Variants in LRSAM1 observed in about 807,000 individuals in gnomAD.
LRSAM1 encodes E3 ubiquitin-protein ligase LRSAM1.
Under a neutral mutation model 118.1 loss-of-function variants are expected in LRSAM1, and 96 were observed. That is an observed-to-expected ratio of 0.81 (90% confidence interval 0.69 to 0.96). LRSAM1 has a LOEUF of 0.96. Ranked by LOEUF, LRSAM1 falls within the 40% of genes least tolerant of loss-of-function variation. LRSAM1 has a pLI of 0.00. For synonymous variants in LRSAM1, 322 were observed against 364.2 expected, an observed-to-expected ratio of 0.88 and a Z score of 1.32; for missense variants, 804 against 915.5, an observed-to-expected ratio of 0.88 and a Z score of 1.57.
Position 127,487,300 on chromosome 9 carries a change from G to A in LRSAM1, c.1260-376G>A, listed in dbSNP as rs192933247. ...GCTCCCTGCCCAGGGTGAGAGTGCC[G>A]GGAAGGACAGCTTTGTCATACTTCG... On this transcript the variant is annotated intron_variant, in intron 17 of 25. Coordinates refer to ENST00000300417, the MANE Select transcript of LRSAM1 (RefSeq NM_001005373.4). Among the ~76,000 whole-genome samples the A allele has an allele frequency of 4.1e-4, 63 of 152,158 alleles. 1 individual carries two copies. Among genetic ancestry groups the A allele is most frequent in the African/African-American group, 1.5e-3 (61 of 41,492 alleles).
chr9:127,489,354 T>C, intron 18 of LRSAM1, 90 bp from the exon 19 acceptor site: 1 of 1,465,648 alleles, frequency 6.8e-7, no homozygotes, highest in Non-Finnish European at 9.3e-7. Context: ...TTAAGGTGCT[T>C]TGTACACAGC....
intron 24 of LRSAM1, among the ~76,000 whole-genome samples, chr9:127,499,666 C>T (rs1010901977): frequency 6.6e-6 from 1 of 152,146 alleles, no homozygotes; most frequent in Non-Finnish European, 1.5e-5. Context: ...TGCGGTGCCT[C>T]ACGCCTGTAA....
chr9:127,502,747 C>A, intron 25 of LRSAM1, 27 bp from the exon 26 acceptor site: 1 of 1,611,428 alleles, frequency 6.2e-7, no homozygotes, highest in Non-Finnish European at 8.5e-7. Flanking sequence ...GTAGGGCCAG[C>A]CACATGCTCC....
chr9:127,468,690 T>G (rs1835048337), intron 10 of LRSAM1, among the ~76,000 whole-genome samples: 1 of 151,896 alleles, frequency 6.6e-6, no homozygotes, highest in African/African-American at 2.4e-5. Flanking sequence ...TTAGATTTAA[T>G]TAAGGCCAGA....
intron 10 of LRSAM1, among the ~76,000 whole-genome samples, chr9:127,468,409 C>T (rs539465321): frequency 3.9e-5 from 6 of 152,244 alleles, no homozygotes; most frequent in South Asian, 2.1e-4. Flanking sequence ...AGCTAAAACC[C>T]GGAGCCAGCA....
chr9:127,489,464 G>GT lies in LRSAM1; in HGVS notation c.1370dup (p.Glu458ArgfsTer19). The stretch of plus-strand genomic sequence containing the variant: ...TGCAGAGCGCGATGCAGAAGGCTGC[G>GT]TTCGAGGCACTCCAGGTGAAGAAAG... On this transcript the variant is annotated frameshift_variant, in exon 19 of 26. Coordinates refer to ENST00000300417, the MANE Select transcript of LRSAM1 (RefSeq NM_001005373.4). LOFTEE classifies it high-confidence loss of function. The GT allele has an allele frequency of 6.2e-7, 1 of 1,609,590 alleles. No homozygotes were observed. Among genetic ancestry groups the GT allele is most frequent in the Non-Finnish European group, 8.5e-7 (1 of 1,178,648 alleles).
chr9:127,495,845 G>A (rs775045841), intron 22 of LRSAM1, 119 bp from the exon 23 acceptor site: 30 of 1,471,858 alleles, frequency 2.0e-5, no homozygotes, highest in Non-Finnish European at 2.4e-5. Flanking sequence ...GTTTTTGTAG[G>A]AAAAATCCCG....
intron 9 of LRSAM1, 135 bp downstream of exon 9, chr9:127,462,508 C>T: frequency 7.1e-7 from 1 of 1,406,058 alleles, no homozygotes; most frequent in Non-Finnish European, 1.0e-6. Flanking sequence ...TCCTTGGAGG[C>T]TTGTAGAGAG....
In LRSAM1 at chr9:127,487,562, T is replaced by C. The variant is rs1835776850; in HGVS notation, c.1260-114T>C. 6 of 942,210 alleles carry C rather than the reference T, an allele frequency of 6.4e-6. No homozygotes were observed. The South Asian group carries it at 8.3e-5, about 13-fold the overall frequency. 58.4% of individuals were successfully genotyped at this position (942,210 alleles called of 1,614,324 possible). On this transcript the variant is annotated intron_variant, in intron 17 of 25. Coordinates refer to ENST00000300417, the MANE Select transcript of LRSAM1 (RefSeq NM_001005373.4). ...GGCCCGGCTCCCAGCAGGTACTCCA[T>C]GAATGTGGTCCACTGAAGAAATGGG...
intron 19 of LRSAM1, among the ~76,000 whole-genome samples, chr9:127,490,142 G>T (rs1172286439): frequency 3.3e-5 from 5 of 152,068 alleles, no homozygotes; most frequent in African/African-American, 1.2e-4. Flanking sequence ...TGTGGAGTGG[G>T]GCTGGGGCTG....
intron 11 of LRSAM1, 71 bp downstream of exon 11, chr9:127,474,002 C>G (rs1588114872): frequency 6.2e-7 from 1 of 1,605,694 alleles, no homozygotes; most frequent in South Asian, 1.1e-5. Context: ...GTTGAGGGAG[C>G]TGGGAATGGA....
chr9:127,454,603 A>C lies in LRSAM1; in HGVS notation c.72+4A>C, dbSNP rs760040162. The C allele has an allele frequency of 3.1e-6, 5 of 1,613,676 alleles. No individual in the cohort carries two copies. Among genetic ancestry groups the C allele is most frequent in the Non-Finnish European group, 4.2e-6 (5 of 1,179,848 alleles). On this transcript the variant is annotated splice_donor_region_variant and intron_variant, in intron 3 of 25. Transcript: ENST00000300417. ...CCTGGAGTACCAGATGTGTTTGGTG[A>C]GGGAAAGTGGGTTTCCTCTAACTCT... is the stretch of plus-strand genomic sequence containing the variant.
At chr9:127,498,474 G>T (rs1836241181) in intron 24 of LRSAM1, among the ~76,000 whole-genome samples, 1 of 152,182 alleles carries the variant, frequency 6.6e-6, no homozygotes, top group African/African-American at 2.4e-5. Flanking sequence ...ACCCTGAGTG[G>T]GGTGCAGTGC....
intron 20 of LRSAM1, 126 bp from the exon 21 acceptor site, chr9:127,492,676 C>T (rs555124453): frequency 3.5e-5 from 29 of 836,552 alleles, no homozygotes; most frequent in African/African-American, 2.7e-4. Flanking sequence ...TGTCCCCCAA[C>T]GCAGCCTGGA....
At chr9:127,500,565 G>A (rs535144476) in intron 24 of LRSAM1, among the ~76,000 whole-genome samples, 6 of 152,116 alleles carry the variant, frequency 3.9e-5, no homozygotes, top group Admixed American at 1.3e-4. Flanking sequence ...GGGCAACCAG[G>A]TGGAGAAGCC....
rs1835453882 is a variant in LRSAM1, at chr9:127,479,501, A to G, written c.899A>G (p.Lys300Arg). 1 of 1,613,784 alleles carries G rather than the reference A, an allele frequency of 6.2e-7. No homozygotes were observed. Among genetic ancestry groups the G allele is most frequent in the Admixed American group, 1.7e-5 (1 of 59,990 alleles). ...SQKDEILQTVKEEQSRLEQGL... is the reference protein window; with the variant it reads ...SQKDEILQTVREEQSRLEQGL... ...AAGGATGAGATCCTTCAGACGGTCA[A>G]GGAGGTTTGTGAGCCGCCTGCTAGG... is the stretch of plus-strand genomic sequence containing the variant. The change falls in exon 13 of 26, where the codon AAG becomes AGG. Residue 300 changes from lysine (K) to arginine (R), a missense_variant. Lys to Arg is a conservative substitution (Grantham distance 26, BLOSUM62 2). Coordinates refer to ENST00000300417, the MANE Select transcript of LRSAM1 (RefSeq NM_001005373.4).
In LRSAM1 at chr9:127,473,909, C is replaced by T. The variant is rs1032048507; in HGVS notation, c.728C>T (p.Ser243Leu). ...CCTGATGGGCCCACGGACAGATTCTCAAGGGAGGAGTTAGAGTGGCAGGTA... is the reference window on the plus strand; with the variant it reads ...CCTGATGGGCCCACGGACAGATTCTTAAGGGAGGAGTTAGAGTGGCAGGTA... ...DSPDGPTDRFSREELEWQNRF... is the reference protein window; with the variant it reads ...DSPDGPTDRFLREELEWQNRF... The change falls in exon 11 of 26, where the codon TCA (serine) becomes TTA (leucine). Residue 243 changes from serine to leucine, a missense_variant. By Grantham distance (145) the Ser-to-Leu change is moderately radical (BLOSUM62 -2). Transcript: ENST00000300417. 1.2e-6 allele frequency: 2 copies of T among 1,614,114 alleles called. No individual in the cohort carries two copies. Among genetic ancestry groups the T allele is most frequent in the Non-Finnish European group, 1.7e-6 (2 of 1,180,058 alleles).
At chr9:127,466,510 T>A (rs1322380953) in intron 9 of LRSAM1, among the ~76,000 whole-genome samples, 1,094 of 58,958 alleles carry the variant, frequency 0.019, 16 homozygotes, top group African/African-American at 0.059. Flanking sequence ...ATATATTTTT[T>A]TTTTTTTTTT....
chr9:127,486,537 G>A (rs1039017541), intron 17 of LRSAM1: 2 of 158,294 alleles, frequency 1.3e-5, no homozygotes, highest in African/African-American at 4.8e-5. Context: ...CACCCTCCAG[G>A]GCGCCTGGAC....
Sources: gnomAD v4.1 joint callset for allele counts (sites outside exome capture counted in the v4.1 genomes callset) on GRCh38, gnomAD v4.1.1 for gene constraint, MANE v1.5 for transcripts, NCBI Gene and HGNC (gene_info 2026-07-23, HGNC 2026-07-21) for gene names.